The following TSPAN5 variants were observed in gnomAD, a reference collection of about 807,000 sequenced individuals.
TSPAN5 encodes the protein tetraspanin-5.
A neutral mutation model predicts 37.1 loss-of-function variants in TSPAN5; 10 were observed. The ratio of observed to expected loss-of-function variants is 0.27; its 90% CI spans 0.17 to 0.46. The LOEUF (loss-of-function observed/expected upper bound fraction) is 0.46. Ranked by LOEUF, TSPAN5 falls within the 20% of genes least tolerant of loss-of-function variation. The probability of loss-of-function intolerance (pLI) is 1.00; values close to 1 mark genes in which losing one functional copy is unlikely to be tolerated. For missense variants in TSPAN5, 195 were observed against 326.6 expected (o/e 0.60, Z 3.11); for synonymous variants, 110 against 118.9 (o/e 0.93, Z 0.48).
intron 1 of TSPAN5, among the ~76,000 whole-genome samples, chr4:98,528,735 T>C (rs1301473426): frequency 2.0e-5 from 3 of 152,130 alleles, no homozygotes; most frequent in Non-Finnish European, 4.4e-5. Flanking sequence ...CAGGTAGAAA[T>C]GAAAAACAGG....
At chr4:98,567,711 G>A (rs1755036507) in intron 1 of TSPAN5, among the ~76,000 whole-genome samples, 1 of 152,160 alleles carries the variant, frequency 6.6e-6, no homozygotes, top group Non-Finnish European at 1.5e-5. Flanking sequence ...GGAGAGAGAG[G>A]AAACCTGAAA....
chr4:98,552,227 CT>C (rs1464888581), intron 1 of TSPAN5, among the ~76,000 whole-genome samples: 7 of 152,010 alleles, frequency 4.6e-5, no homozygotes, highest in Admixed American at 3.9e-4. Flanking sequence ...ATCTTTGTCG[CT>C]TATTTTCTTG....
intron 1 of TSPAN5, among the ~76,000 whole-genome samples, chr4:98,512,417 CTT>C (rs993780140): frequency 6.6e-6 from 1 of 152,138 alleles, no homozygotes; most frequent in Non-Finnish European, 1.5e-5. Flanking sequence ...CTAAATTACT[CTT>C]TTAATTTCTA....
chr4:98,623,061 T>A (rs1460989977), intron 1 of TSPAN5, among the ~76,000 whole-genome samples: 1 of 152,196 alleles, frequency 6.6e-6, no homozygotes, highest in Admixed American at 6.5e-5. Flanking sequence ...TTTTCCTTTT[T>A]AAAATTCCTT....
chr4:98,495,255 C>G (rs764074714), intron 2 of TSPAN5, among the ~76,000 whole-genome samples: 1 of 152,184 alleles, frequency 6.6e-6, no homozygotes, highest in Non-Finnish European at 1.5e-5. Flanking sequence ...ACCGGCCAGG[C>G]GCAGTGGCTC....
At chr4:98,569,075 A>G (rs990624086) in intron 1 of TSPAN5, among the ~76,000 whole-genome samples, 1 of 152,198 alleles carries the variant, frequency 6.6e-6, no homozygotes, top group African/African-American at 2.4e-5. Flanking sequence ...TGTGAAATGG[A>G]TGCCTCGGAC....
intron 1 of TSPAN5, among the ~76,000 whole-genome samples, chr4:98,585,075 A>G (rs1456215359): frequency 6.6e-6 from 1 of 152,200 alleles, no homozygotes; most frequent in Admixed American, 6.5e-5. Flanking sequence ...TGTCAGGACT[A>G]ATGTTGAAAG....
intron 1 of TSPAN5, among the ~76,000 whole-genome samples, chr4:98,632,499 A>G (rs1226711839): frequency 3.9e-5 from 6 of 152,162 alleles, no homozygotes; most frequent in Non-Finnish European, 7.3e-5. Flanking sequence ...AGGGGACACT[A>G]TTAATAAATT....
chr4:98,492,417 A>G (rs915556993), intron 2 of TSPAN5, among the ~76,000 whole-genome samples: 1 of 152,140 alleles, frequency 6.6e-6, no homozygotes, highest in Non-Finnish European at 1.5e-5. Flanking sequence ...CTAGAGCTCT[A>G]TGTGTCACTC....
intron 1 of TSPAN5, among the ~76,000 whole-genome samples, chr4:98,625,799 C>G (rs1235226429): frequency 6.6e-6 from 1 of 151,918 alleles, no homozygotes; most frequent in Non-Finnish European, 1.5e-5. Context: ...AATAGTATGT[C>G]AGAGTAGTAT....
chr4:98,553,452 C>T (rs1337714910), intron 1 of TSPAN5, among the ~76,000 whole-genome samples: 1 of 152,014 alleles, frequency 6.6e-6, no homozygotes, highest in Non-Finnish European at 1.5e-5. Context: ...CTGTCTAGAA[C>T]ATGTTATCTT....
chr4:98,543,572 C>T (rs768744159), intron 1 of TSPAN5, among the ~76,000 whole-genome samples: 8 of 151,414 alleles, frequency 5.3e-5, no homozygotes, highest in Non-Finnish European at 1.2e-4. Flanking sequence ...CCCGACACCA[C>T]GCCAGGCTAA....
chr4:98,505,141 A>C (rs1414655573), intron 2 of TSPAN5, among the ~76,000 whole-genome samples: 1 of 152,032 alleles, frequency 6.6e-6, no homozygotes, highest in Admixed American at 6.5e-5. Context: ...TCAGCATATG[A>C]ATTTGGCAGG....
intron 1 of TSPAN5, among the ~76,000 whole-genome samples, chr4:98,533,543 C>CTTTTTTT (rs576852948): frequency 0.19 from 11,046 of 57,776 alleles, 2,264 homozygotes; most frequent in South Asian, 0.26. Context: ...TCCCCTATAT[C>CTTTTTTT]TTTTTTTTTT....
intron 2 of TSPAN5, among the ~76,000 whole-genome samples, chr4:98,502,700 G>A (rs1753382308): frequency 6.6e-6 from 1 of 152,124 alleles, no homozygotes; most frequent in Non-Finnish European, 1.5e-5. Context: ...AATATAGTCT[G>A]ATGTAATGAC....
At chr4:98,477,458 C>T (rs1752728489) in intron 5 of TSPAN5, among the ~76,000 whole-genome samples, 1 of 152,170 alleles carries the variant, frequency 6.6e-6, no homozygotes, top group East Asian at 1.9e-4. Context: ...ACAGCCTCCA[C>T]CATAAGAAGG....
At chr4:98,643,451 A>C (rs915323824) in intron 1 of TSPAN5, among the ~76,000 whole-genome samples, 12 of 152,168 alleles carry the variant, frequency 7.9e-5, no homozygotes, top group Non-Finnish European at 1.5e-4. Context: ...ATCAGTATTT[A>C]ATAAGCATCA....
intron 1 of TSPAN5, chr4:98,574,729 AGCTATG>A (rs1715271217): frequency 6.6e-6 from 1 of 152,358 alleles, no homozygotes; most frequent in Non-Finnish European, 1.5e-5. Flanking sequence ...TATTCAGGGT[AGCTATG>A]ACTATTACCT....
At chr4:98,548,733 A>G (rs1217876107) in intron 1 of TSPAN5, among the ~76,000 whole-genome samples, 1 of 152,014 alleles carries the variant, frequency 6.6e-6, no homozygotes, top group Non-Finnish European at 1.5e-5. Flanking sequence ...GTCCATGTGT[A>G]CCCATCATTT....
Sources: allele counts gnomAD v4.1 joint callset (sites outside exome capture counted in the v4.1 genomes callset), GRCh38; gene constraint gnomAD v4.1.1; transcripts MANE v1.5; gene names NCBI Gene and HGNC (gene_info 2026-07-23, HGNC 2026-07-21).